DNAH5: variants seen among roughly 807,000 people sequenced by gnomAD.
DNAH5 encodes dynein axonemal heavy chain 5, also known as axonemal beta dynein heavy chain 5.
A neutral mutation model predicts 518.2 loss-of-function variants in DNAH5; 372 were observed. The ratio of observed to expected loss-of-function variants is 0.72; its 90% CI spans 0.66 to 0.78. DNAH5 has a LOEUF of 0.78. DNAH5 is among the 30% of genes least tolerant of loss of function. DNAH5 has a pLI of 0.00. For synonymous variants in DNAH5, 2,039 were observed against 2,025.9 expected, an observed-to-expected ratio of 1.01 and a Z score of -0.17; for missense variants, 5,523 against 5,687.0, an observed-to-expected ratio of 0.97 and a Z score of 0.93.
rs1769158038 is a variant in DNAH5 at position 13,865,779 on chromosome 5, A to G, written c.4244T>C (p.Ile1415Thr). 2 of 1,612,260 alleles carry G rather than the reference A, an allele frequency of 1.2e-6. No individual in the cohort carries two copies. The highest frequency in any genetic ancestry group is 3.3e-5 in the Admixed American group (2 of 59,982). The part of the protein sequence containing the change: ...IKKQLNLLQK[I>T]YTLYNSVIET... ...TATGACACTGTTGTACAGAGTATAT[A>G]TTTTCTGTAGAAGATTTAGTTGCTT... The change falls in exon 27 of 79, where the codon ATA becomes ACA. Residue 1415 changes from isoleucine (I) to threonine (T), a missense_variant. Physicochemically the swap from Ile to Thr is moderately conservative, Grantham distance 89. Around this residue, in one of 3 missense-constraint regions of DNAH5, gnomAD observed 5,121 missense variants for 5,223.3 expected, o/e 0.98. Coordinates refer to ENST00000265104, the MANE Select transcript of DNAH5 (RefSeq NM_001369.3).
At chr5:13,814,551 T>C (rs1172369290) in intron 43 of DNAH5, 54 bp downstream of exon 43, 3 of 1,586,968 alleles carry the variant, frequency 1.9e-6, no homozygotes, top group Admixed American at 1.7e-5. Context: ...ACTAAAAGAA[T>C]GCTAAAGGAT....
At position 13,868,007 on chromosome 5, in the gene DNAH5, G is replaced by GA. The variant is rs746415006; in HGVS notation, c.3835-16dup. On this transcript the variant is annotated splice_polypyrimidine_tract_variant and intron_variant, in intron 24 of 78. Coordinates refer to ENST00000265104, the MANE Select transcript of DNAH5 (RefSeq NM_001369.3). ...GCATAAGATTCCTAAAAAAAAATAG[G>GA]AAAAACTTAATTTTGGCCAGTCAGA... 6.2e-7 allele frequency: 1 copy of GA among 1,605,236 alleles called. No individual in the cohort carries two copies. Among genetic ancestry groups the GA allele is most frequent in the Non-Finnish European group, 8.5e-7 (1 of 1,172,984 alleles).
intron 62 of DNAH5, 70 bp downstream of exon 62, chr5:13,754,133 T>C (rs1476273648): frequency 3.8e-6 from 6 of 1,588,740 alleles, no homozygotes; most frequent in Non-Finnish European, 5.2e-6. Context: ...AGGAATTTGA[T>C]TAAAGTATAA....
intron 9 of DNAH5, among the ~76,000 whole-genome samples, chr5:13,916,075 G>A (rs138695444): frequency 6.6e-6 from 1 of 151,656 alleles, no homozygotes; most frequent in Non-Finnish European, 1.5e-5. Context: ...AACCACATAG[G>A]AAAGAAATTC....
intron 51 of DNAH5, among the ~76,000 whole-genome samples, 163 bp from the exon 52 acceptor site, chr5:13,786,514 G>A (rs1258381362): frequency 2.6e-5 from 4 of 152,148 alleles, no homozygotes; most frequent in Non-Finnish European, 5.9e-5. Context: ...AACAATAGAA[G>A]CGTTAGGATT....
intron 16 of DNAH5, among the ~76,000 whole-genome samples, chr5:13,893,349 AG>A (rs1174779493): frequency 6.6e-6 from 1 of 152,180 alleles, no homozygotes; most frequent in East Asian, 1.9e-4. Flanking sequence ...CTTGAGGGGT[AG>A]GAACAGGGTT....
In DNAH5 at chr5:13,810,222, C is replaced by A. The variant is rs760905001; in HGVS notation, c.7446G>T (p.Arg2482=). The change falls in exon 45 of 79, where the codon CGG becomes CGT. Residue 2482 remains arginine, a synonymous_variant. Coordinates refer to ENST00000265104, the MANE Select transcript of DNAH5 (RefSeq NM_001369.3). ...TCCACAGCAGCGCGAACACGAACAG[C>A]CGCCCCAGGTGAGCCTGGCTCACCT... ...GGEVSQAHLG[R]LFVFALLWSA... is the part of the protein sequence containing the mutation. The A allele has an allele frequency of 3.9e-6, 6 of 1,550,524 alleles. No homozygotes were observed. The South Asian group carries it at 7.1e-5, about 18-fold the overall frequency.
At chr5:13,888,939 A>G (rs1359495889) in intron 17 of DNAH5, among the ~76,000 whole-genome samples, 1 of 152,222 alleles carries the variant, frequency 6.6e-6, no homozygotes, top group East Asian at 1.9e-4. Context: ...ATTACAGTAT[A>G]TCAACTCAAC....
At chr5:13,965,204 A>G (rs1001918852) in intron 1 of DNAH5, among the ~76,000 whole-genome samples, 1 of 152,192 alleles carries the variant, frequency 6.6e-6, no homozygotes, top group Non-Finnish European at 1.5e-5. Context: ...AGAGGGCATT[A>G]ATAATATTTT....
intron 32 of DNAH5, among the ~76,000 whole-genome samples, chr5:13,843,332 A>G (rs1765536023): frequency 6.6e-6 from 1 of 151,986 alleles, no homozygotes; most frequent in South Asian, 2.1e-4. Flanking sequence ...AACACCTCCC[A>G]TGGCTTTTTA....
intron 78 of DNAH5, among the ~76,000 whole-genome samples, chr5:13,693,060 TCTC>T (rs1740912601): frequency 1.3e-5 from 2 of 152,166 alleles, no homozygotes; most frequent in Admixed American, 6.5e-5. Context: ...TATCTGCACA[TCTC>T]CTAACATGCA....
At chr5:13,804,109 G>A (rs1160628689) in intron 47 of DNAH5, among the ~76,000 whole-genome samples, 1 of 151,954 alleles carries the variant, frequency 6.6e-6, no homozygotes, top group Admixed American at 6.6e-5. Context: ...ATTAATATTA[G>A]TTCGGGGGGA....
intron 75 of DNAH5, among the ~76,000 whole-genome samples, chr5:13,710,970 C>A (rs907112421): frequency 2.6e-5 from 4 of 152,178 alleles, no homozygotes; most frequent in Non-Finnish European, 5.9e-5. Flanking sequence ...CCTTTTGACA[C>A]TATTCTACAA....
chr5:13,945,168 G>T (rs1779811321), upstream of DNAH5, among the ~76,000 whole-genome samples: 1 of 152,250 alleles, frequency 6.6e-6, no homozygotes, highest in South Asian at 2.1e-4. Flanking sequence ...TTTATCCTAT[G>T]TGGCTAAACA....
intron 30 of DNAH5, among the ~76,000 whole-genome samples, chr5:13,857,627 C>T (rs944346200): frequency 3.9e-5 from 6 of 151,924 alleles, no homozygotes; most frequent in African/African-American, 1.5e-4. Context: ...TCAAGGCTAC[C>T]GTAACCAAAA....
At chr5:13,773,162 T>C (rs1333430898) in intron 55 of DNAH5, among the ~76,000 whole-genome samples, 1 of 152,194 alleles carries the variant, frequency 6.6e-6, no homozygotes, top group Non-Finnish European at 1.5e-5. Flanking sequence ...TTATGTAGTA[T>C]GCAGGCTGTA....
At chr5:13,842,660 C>T (rs1580532480) in intron 32 of DNAH5, among the ~76,000 whole-genome samples, 1 of 152,072 alleles carries the variant, frequency 6.6e-6, no homozygotes, top group South Asian at 2.1e-4. Context: ...GTACTAAGTC[C>T]TCCTTAGCTG....
chr5:13,774,353 A>G (rs1221554594), intron 55 of DNAH5, among the ~76,000 whole-genome samples: 2 of 152,100 alleles, frequency 1.3e-5, no homozygotes, highest in Non-Finnish European at 2.9e-5. Context: ...CCCTTCCTGA[A>G]AGGGGGAGAC....
intron 65 of DNAH5, among the ~76,000 whole-genome samples, chr5:13,747,327 T>C (rs528996612): frequency 5.3e-5 from 8 of 152,220 alleles, no homozygotes; most frequent in Admixed American, 1.3e-4. Context: ...TTTGCTATTG[T>C]GAATAGTGCC....
Sources: allele counts gnomAD v4.1 joint callset (sites outside exome capture counted in the v4.1 genomes callset), GRCh38; gene constraint gnomAD v4.1.1; regional missense constraint gnomAD v4.1.1; transcripts MANE v1.5; gene names NCBI Gene and HGNC (gene_info 2026-07-23, HGNC 2026-07-21).